Variants in GAREM1 observed in about 807,000 individuals in gnomAD.
The protein encoded by GAREM1 is GRB2-associated and regulator of MAPK protein 1.
In GAREM1, 26 loss-of-function variants were observed where a neutral mutation model predicts 71.3. The observed-to-expected ratio is 0.36, with a 90% CI of 0.27 to 0.51. GAREM1 has a LOEUF of 0.51. Among genes scored for constraint, GAREM1 ranks in the 20% least tolerant of loss-of-function variants. The probability of loss-of-function intolerance (pLI) is 0.95; values close to 1 mark genes in which losing one functional copy is unlikely to be tolerated. For missense variants in GAREM1, 1,026 were observed against 1,103.1 expected (o/e 0.93, Z 0.99); for synonymous variants, 440 against 433.2 (o/e 1.02, Z -0.20).
At chr18:32,363,971 C>A (rs1264857532) in intron 2 of GAREM1, among the ~76,000 whole-genome samples, 1 of 99,866 alleles carries the variant, frequency 1.0e-5, no homozygotes, top group Non-Finnish European at 1.9e-5. Context: ...CATATACATA[C>A]ACAAATACAT....
chr18:32,412,090 T>C, intron 1 of GAREM1: 1 of 726,288 alleles, frequency 1.4e-6, no homozygotes, highest in East Asian at 2.7e-5. Context: ...GTCTAAAACA[T>C]GTCTTCTTTG....
chr18:32,380,474 TAAAAAAAAAAAA>T (rs35881689), intron 2 of GAREM1, among the ~76,000 whole-genome samples: 1 of 92,470 alleles, frequency 1.1e-5, no homozygotes, highest in African/African-American at 4.4e-5. Flanking sequence ...AGACTTCATT[TAAAAAAAAAAAA>T]AAAAAAAAAA....
rs77452761 is a variant in GAREM1 at position 32,307,462 on chromosome 18, T to C, written c.393+2731A>G. ...ACCTTCTCCATGAGAATAACCAAAA[T>C]CCCATTTCTTTAACTCCTCCCCTGC... On this transcript the variant is annotated intron_variant, in intron 3 of 5. Coordinates refer to ENST00000269209, the MANE Select transcript of GAREM1 (RefSeq NM_001242409.2). 5.9e-3 allele frequency among the ~76,000 whole-genome samples: 901 copies of C among 152,280 alleles called. 47 individuals are homozygous for C. The East Asian group carries it at 0.12, about 21-fold the overall frequency.
At position 32,285,535 on chromosome 18, in the gene GAREM1, G is replaced by A. The variant is rs138747575; in HGVS notation, c.1566+1496C>T. 9.4e-3 allele frequency among the ~76,000 whole-genome samples: 1,436 copies of A among 152,244 alleles called. 11 individuals are homozygous for A. The highest frequency in any genetic ancestry group is 0.02 in the South Asian group (96 of 4,820). On this transcript the variant is annotated intron_variant, in intron 4 of 5. Transcript: ENST00000269209. ...GCTCGTTGCTCATGCTGCTCTGTCC[G>A]GAATGTCCTTCTTTCTCATCTCTCT...
rs376931551 is a variant in GAREM1 at position 32,275,545 on chromosome 18, A to G, written c.1567-5162T>C. Reference sequence around the variant, plus strand: ...CTGGAACCAAAGTCCTGTTGATGACAGGGTCAATGAGCACAGTGCGGATAC... The same window carrying G: ...CTGGAACCAAAGTCCTGTTGATGACGGGGTCAATGAGCACAGTGCGGATAC... On this transcript the variant is annotated intron_variant, in intron 4 of 5. Transcript: ENST00000269209. 3.9e-5 allele frequency among the ~76,000 whole-genome samples: 6 copies of G among 152,230 alleles called. No individual in the cohort carries two copies. In the East Asian group the frequency reaches 7.7e-4, roughly 20 times the overall value.
intron 3 of GAREM1, among the ~76,000 whole-genome samples, chr18:32,292,301 G>A (rs1425299640): frequency 6.6e-6 from 1 of 152,058 alleles, no homozygotes; most frequent in Non-Finnish European, 1.5e-5. Flanking sequence ...CTTTTGAGAA[G>A]TGTTTGTTCA....
At chr18:32,284,018 T>C (rs986624384) in intron 4 of GAREM1, among the ~76,000 whole-genome samples, 1 of 152,214 alleles carries the variant, frequency 6.6e-6, no homozygotes, top group Non-Finnish European at 1.5e-5. Flanking sequence ...CCAAGACTCA[T>C]TCCACCGGAA....
At chr18:32,283,062 A>T (rs1460352627) in intron 4 of GAREM1, among the ~76,000 whole-genome samples, 1 of 152,146 alleles carries the variant, frequency 6.6e-6, no homozygotes, top group Admixed American at 6.5e-5. Context: ...CACCTTGCAA[A>T]ATTTTAAAAA....
chr18:32,426,680 ATGACT>A (rs923577927), intron 1 of GAREM1, among the ~76,000 whole-genome samples: 1 of 152,194 alleles, frequency 6.6e-6, no homozygotes, highest in Admixed American at 6.5e-5. Flanking sequence ...CCAATTTAAT[ATGACT>A]TGACTGGCTA....
chr18:32,450,920 C>T (rs1454385905), intron 1 of GAREM1, among the ~76,000 whole-genome samples: 3 of 151,990 alleles, frequency 2.0e-5, no homozygotes, highest in African/African-American at 7.3e-5. Context: ...AAGGCTGAGG[C>T]AGAACTGCTT....
chr18:32,321,700 A>G (rs2144539679), intron 2 of GAREM1, among the ~76,000 whole-genome samples: 1 of 152,186 alleles, frequency 6.6e-6, no homozygotes, highest in East Asian at 1.9e-4. Context: ...CTCACATTCA[A>G]TTACTGTCAA....
intron 4 of GAREM1, among the ~76,000 whole-genome samples, chr18:32,271,909 C>T (rs2041468665): frequency 6.6e-6 from 1 of 152,180 alleles, no homozygotes; most frequent in African/African-American, 2.4e-5. Context: ...TTATACCTGG[C>T]TCTGCTAGTC....
At chr18:32,331,118 T>C (rs2047531219) in intron 2 of GAREM1, among the ~76,000 whole-genome samples, 1 of 152,206 alleles carries the variant, frequency 6.6e-6, no homozygotes, top group South Asian at 2.1e-4. Context: ...TTAATTCTAT[T>C]ATATTCTATT....
chr18:32,324,975 CAG>C (rs2047461769), intron 2 of GAREM1, among the ~76,000 whole-genome samples: 1 of 152,154 alleles, frequency 6.6e-6, no homozygotes, highest in South Asian at 2.1e-4. Context: ...ATTTTTTAGA[CAG>C]AGTCTTGCTG....
chr18:32,438,296 G>C (rs1257285705), intron 1 of GAREM1, among the ~76,000 whole-genome samples: 1 of 152,236 alleles, frequency 6.6e-6, no homozygotes, highest in East Asian at 1.9e-4. Flanking sequence ...CACCAGCCCT[G>C]TGAATTGATG....
intron 2 of GAREM1, among the ~76,000 whole-genome samples, chr18:32,364,010 ATATATATATATATATATGT>A (rs2047896614): frequency 4.2e-5 from 2 of 47,990 alleles, no homozygotes; most frequent in African/African-American, 2.3e-4. Context: ...ATATATATAT[ATATATATATATATATATGT>A]TTTTTTTTTT....
intron 1 of GAREM1, among the ~76,000 whole-genome samples, chr18:32,466,907 T>C (rs2049004993): frequency 6.6e-6 from 1 of 152,192 alleles, no homozygotes; most frequent in Admixed American, 6.5e-5. Context: ...GAAAAACTTG[T>C]GGGGCAACAT....
At chr18:32,462,765 A>C (rs143321580) in intron 1 of GAREM1, among the ~76,000 whole-genome samples, 59 of 152,312 alleles carry the variant, frequency 3.9e-4, no homozygotes, top group African/African-American at 1.4e-3. Context: ...TTAAGTCTTT[A>C]ATCCATTTTG....
chr18:32,318,777 C>T (rs1567962803), intron 2 of GAREM1, among the ~76,000 whole-genome samples: 1 of 152,308 alleles, frequency 6.6e-6, no homozygotes, highest in African/African-American at 2.4e-5. Flanking sequence ...AGCTGAGGCC[C>T]ACAGTGTCCA....
Sources: gnomAD v4.1 joint callset for allele counts (sites outside exome capture counted in the v4.1 genomes callset) on GRCh38, gnomAD v4.1.1 for gene constraint, MANE v1.5 for transcripts, NCBI Gene and HGNC (gene_info 2026-07-23, HGNC 2026-07-21) for gene names.